Variants in RSPH14 observed in about 807,000 individuals in gnomAD.
RSPH14 encodes radial spoke head 14 homolog.
RSPH14 carries 20 observed loss-of-function variants against 26.7 expected under a neutral mutation model. The ratio of observed to expected loss-of-function variants is 0.75; its 90% CI spans 0.53 to 1.09. RSPH14 has a LOEUF of 1.09. RSPH14 is among the 50% of genes least tolerant of loss of function. The pLI, the probability that RSPH14 is intolerant of heterozygous loss-of-function variation, is 0.00. For synonymous variants in RSPH14, 177 were observed against 189.3 expected (o/e 0.93, Z 0.53); for missense variants, 449 against 457.2 (o/e 0.98, Z 0.16).
chr22:23,145,274 C>A, upstream of RSPH14: 1 of 1,285,724 alleles, frequency 7.8e-7, no homozygotes, highest in Admixed American at 1.8e-5. Flanking sequence ...CCAGCACCGC[C>A]CTTGTTGTCA....
chr22:23,160,323 C>G, the RSPH14 span, among the ~76,000 whole-genome samples: 1 of 152,186 alleles, frequency 6.6e-6, no homozygotes, highest in African/African-American at 2.4e-5. Context: ...CCAAGCAGGA[C>G]TGCCCTATGC....
At chr22:23,158,766 G>C in the RSPH14 span, 1 of 765,898 alleles carries the variant, frequency 1.3e-6, no homozygotes. Flanking sequence ...CTCAGCCAGT[G>C]TGGGCCAGGA....
intron 2 of RSPH14, among the ~76,000 whole-genome samples, chr22:23,139,363 G>A (rs1339831985): frequency 6.6e-6 from 1 of 152,250 alleles, no homozygotes; most frequent in East Asian, 1.9e-4. Flanking sequence ...GCTTACGCCT[G>A]TAATCCCAGC....
chr22:23,122,452 C>T (rs1337231405), intron 4 of RSPH14: 1 of 152,972 alleles, frequency 6.5e-6, no homozygotes, highest in Non-Finnish European at 1.5e-5. Flanking sequence ...GTGCCCACAG[C>T]TGGAGGGCAG....
chr22:23,061,944 T>C lies in RSPH14; in HGVS notation c.655A>G (p.Ile219Val), dbSNP rs778675971. 1.8e-5 allele frequency: 29 copies of C among 1,613,962 alleles called. No individual in the cohort carries two copies. The South Asian group carries it at 2.5e-4, about 14-fold the overall frequency. ...KAARALLNVS[I>V]SREGKKQVCH... is the part of the protein sequence containing the mutation. ...ACCTGTTTCTTGCCCTCTCGAGATATGCTGGGGCAGAGAGGGAACAGAGAG... is the reference window on the plus strand; with the variant it reads ...ACCTGTTTCTTGCCCTCTCGAGATACGCTGGGGCAGAGAGGGAACAGAGAG... The change falls in exon 6 of 7, where the codon ATA becomes GTA. Residue 219 changes from isoleucine (I) to valine (V), a missense_variant and splice_region_variant. Coordinates refer to ENST00000216036, the MANE Select transcript of RSPH14 (RefSeq NM_014433.3).
chr22:23,099,781 G>A (rs2069241138), intron 4 of RSPH14, among the ~76,000 whole-genome samples: 1 of 152,220 alleles, frequency 6.6e-6, no homozygotes, highest in Non-Finnish European at 1.5e-5. Flanking sequence ...AAGGCAAAGT[G>A]GAGAAGCTGG....
the RSPH14 span, chr22:23,152,507 A>G: frequency 6.2e-7 from 1 of 1,614,108 alleles, no homozygotes; most frequent in Non-Finnish European, 8.5e-7. Context: ...CTACGTGGGG[A>G]AGACCAGCCT....
intron 4 of RSPH14, among the ~76,000 whole-genome samples, chr22:23,099,805 A>G (rs2069242026): frequency 6.6e-6 from 1 of 152,238 alleles, no homozygotes; most frequent in South Asian, 2.1e-4. Context: ...CTACCAGCCC[A>G]CACTGAGGGA....
chr22:23,119,530 A>G (rs1449141484), intron 4 of RSPH14, among the ~76,000 whole-genome samples: 2 of 152,098 alleles, frequency 1.3e-5, no homozygotes, highest in Admixed American at 6.5e-5. Flanking sequence ...TCAGCACCAC[A>G]CTGCCAGCAC....
At chr22:23,123,534 T>A in intron 4 of RSPH14, 1 of 696,188 alleles carries the variant, frequency 1.4e-6, no homozygotes, top group Non-Finnish European at 2.4e-6. Flanking sequence ...ACAGGGGGCC[T>A]AAAGAATGTC....
intron 6 of RSPH14, among the ~76,000 whole-genome samples, chr22:23,060,007 C>G (rs996117686): frequency 2.0e-5 from 3 of 152,200 alleles, no homozygotes; most frequent in East Asian, 1.9e-4. Context: ...TAATGAGATT[C>G]CATCTCTACA....
chr22:23,176,788 A>G, the RSPH14 span, among the ~76,000 whole-genome samples: 6 of 151,796 alleles, frequency 4.0e-5, no homozygotes, highest in Non-Finnish European at 7.4e-5. Flanking sequence ...CCCACCTCCC[A>G]CGCCCAACCT....
intron 4 of RSPH14, chr22:23,095,582 C>A: frequency 8.2e-7 from 1 of 1,217,658 alleles, no homozygotes. Context: ...CCTGCTGGCA[C>A]TGAGTGCCTC....
chr22:23,153,362 C>T, the RSPH14 span, among the ~76,000 whole-genome samples: 1 of 152,106 alleles, frequency 6.6e-6, no homozygotes, highest in Non-Finnish European at 1.5e-5. Context: ...GTGCTCACAG[C>T]CTGACCTGCC....
the RSPH14 span, among the ~76,000 whole-genome samples, chr22:23,171,514 T>C: frequency 6.6e-6 from 1 of 152,120 alleles, no homozygotes; most frequent in Non-Finnish European, 1.5e-5. Flanking sequence ...GACACAAACA[T>C]TCAGTCCATT....
At chr22:23,152,588 C>G in the RSPH14 span, 8 of 1,499,438 alleles carry the variant, frequency 5.3e-6, no homozygotes, top group Non-Finnish European at 7.4e-6. Flanking sequence ...ATACCTTTGC[C>G]TGGGTGGCCC....
intron 4 of RSPH14, among the ~76,000 whole-genome samples, chr22:23,086,809 G>T (rs901502627): frequency 1.3e-5 from 2 of 152,228 alleles, no homozygotes; most frequent in Non-Finnish European, 2.9e-5. Context: ...AGCATGACAG[G>T]ATTGAAGGCA....
chr22:23,082,895 C>CT (rs2068720884), intron 4 of RSPH14, among the ~76,000 whole-genome samples: 1 of 152,200 alleles, frequency 6.6e-6, no homozygotes, highest in Non-Finnish European at 1.5e-5. Flanking sequence ...TCCACAGTGT[C>CT]TTCCCCCCAA....
intron 1 of RSPH14, among the ~76,000 whole-genome samples, chr22:23,140,859 C>T (rs1474216997): frequency 6.6e-6 from 1 of 152,176 alleles, no homozygotes; most frequent in Admixed American, 6.5e-5. Flanking sequence ...AAGGAGGGGG[C>T]TGGTATTATC....
Sources: allele counts gnomAD v4.1 joint callset (sites outside exome capture counted in the v4.1 genomes callset), GRCh38; gene constraint gnomAD v4.1.1; transcripts MANE v1.5; gene names NCBI Gene and HGNC (gene_info 2026-07-23, HGNC 2026-07-21).